Variants in MYO15A observed in about 807,000 individuals in gnomAD.
MYO15A encodes the protein unconventional myosin-XV.
MYO15A carries 308 observed loss-of-function variants against 394.6 expected under a neutral mutation model. The observed-to-expected ratio is 0.78, with a 90% CI of 0.71 to 0.86. The LOEUF is 0.86. Among genes scored for constraint, MYO15A ranks in the 40% least tolerant of loss-of-function variants. The probability of loss-of-function intolerance (pLI) is 0.00; values close to 1 mark genes in which losing one functional copy is unlikely to be tolerated. For missense variants in MYO15A, 4,606 were observed against 4,799.1 expected, an observed-to-expected ratio of 0.96 and a Z score of 1.19; for synonymous variants, 1,957 against 2,003.8, an observed-to-expected ratio of 0.98 and a Z score of 0.62.
chr17:18,148,790 C>A lies in MYO15A; in HGVS notation c.6794C>A (p.Thr2265Asn). 6.2e-7 allele frequency: 1 copy of A among 1,603,388 alleles called. No individual in the cohort carries two copies. The highest frequency in any genetic ancestry group is 8.5e-7 in the Non-Finnish European group (1 of 1,174,774). ...RGLADGWRGW[T>N]VAMKNGVQWA... ...CTGGCAGATGGCTGGCGCGGCTGGA[C>A]CGTGGCCATGAAGAATGGTGTCCAG... The change falls in exon 33 of 66, where the codon ACC becomes AAC. Residue 2265 changes from threonine (T) to asparagine (N), a missense_variant. Coordinates refer to ENST00000647165, the MANE Select transcript of MYO15A (RefSeq NM_016239.4). This position sits in a 1 kb window ranked among gnomAD's most constrained non-coding sequence, Gnocchi z 4.8.
intron 29 of MYO15A, among the ~76,000 whole-genome samples, chr17:18,145,622 G>C (rs903616315): frequency 4.6e-5 from 7 of 152,190 alleles, no homozygotes; most frequent in African/African-American, 1.7e-4. Flanking sequence ...GCTGAGGTGG[G>C]AGGATCACTT....
intron 51 of MYO15A, chr17:18,158,233 T>C (rs1214773937): frequency 3.4e-6 from 2 of 588,054 alleles, no homozygotes; most frequent in South Asian, 4.1e-5. Flanking sequence ...AGTGGGCGGC[T>C]TGTGGAGCTA....
chr17:18,116,650 G>A (rs773178244), intron 1 of MYO15A, among the ~76,000 whole-genome samples: 5 of 137,040 alleles, frequency 3.6e-5, no homozygotes, highest in East Asian at 2.2e-4. Context: ...GCTGGGCGCC[G>A]TGGCTCACAT....
Position 18,122,188 on chromosome 17 carries a change from G to A in MYO15A, c.3388G>A (p.Val1130Ile), listed in dbSNP as rs770547097. 2 of 1,613,172 alleles carry A rather than the reference G, an allele frequency of 1.2e-6. No individual in the cohort carries two copies. Among genetic ancestry groups the A allele is most frequent in the Admixed American group, 1.7e-5 (1 of 60,030 alleles). ...RVQKLSSFQR[V>I]GPATLKPQVQ... Reference sequence around the variant, plus strand: ...GCAGAAGCTGAGCTCTTTCCAGCGAGTTGGGCCTGCAACCCTGAAGCCTCA... The same window carrying A: ...GCAGAAGCTGAGCTCTTTCCAGCGAATTGGGCCTGCAACCCTGAAGCCTCA... The change falls in exon 2 of 66, where the codon GTT becomes ATT. Residue 1130 changes from valine (V) to isoleucine (I), a missense_variant. Physicochemically the swap from Val to Ile is conservative, Grantham distance 29. This residue lies in a region of MYO15A where 1,830 missense variants were observed against 1,689.7 expected (regional missense o/e 1.08). Transcript: ENST00000647165.
At chr17:18,131,434 CCTCA>C (rs1309301293) in intron 9 of MYO15A, 30 bp from the exon 10 acceptor site, 1 of 1,613,728 alleles carries the variant, frequency 6.2e-7, no homozygotes, top group Non-Finnish European at 8.5e-7. Context: ...GCCCTCCTAC[CCTCA>C]CTGAGAGCTG....
Position 18,127,140 on chromosome 17 carries a change from A to G in MYO15A, c.4007A>G (p.Asn1336Ser), listed in dbSNP as rs1351270402. The change falls in exon 7 of 66, where the codon AAC (asparagine) becomes AGC (serine). Residue 1336 changes from asparagine (N) to serine (S), a missense_variant. Asn to Ser is a conservative substitution (Grantham distance 46). Coordinates refer to ENST00000647165, the MANE Select transcript of MYO15A (RefSeq NM_016239.4). ...ATTCTGCGCTACCTGGCCGCCATGAACCAGAAACGGGAGGTCATGCAGCAG... is the reference window on the plus strand; with the variant it reads ...ATTCTGCGCTACCTGGCCGCCATGAGCCAGAAACGGGAGGTCATGCAGCAG... The part of the protein sequence containing the change: ...KLILRYLAAM[N>S]QKREVMQQIK... The G allele has an allele frequency of 5.0e-6, 8 of 1,613,374 alleles. No homozygotes were observed. The African/African-American group carries it at 6.7e-5, about 13-fold the overall frequency.
chr17:18,120,543 G>C lies in MYO15A; in HGVS notation c.1743G>C (p.Ser581=), dbSNP rs1454939553. ...CGCGGTTCCTCAAGAAGACGCTGTC[G>C]GAGAAGAAGCCCATCGCGCGGCTCA... ...SLARFLKKTL[S]EKKPIARLRG... is the part of the protein sequence containing the mutation. The change falls in exon 2 of 66, where the codon TCG becomes TCC. Residue 581 remains serine, a synonymous_variant. Transcript: ENST00000647165. The C allele has an allele frequency of 1.3e-6, 2 of 1,596,480 alleles. No individual in the cohort carries two copies. The highest frequency in any genetic ancestry group is 4.5e-5 in the East Asian group (2 of 44,324).
In MYO15A at chr17:18,163,239, C is replaced by T. The variant is rs760851387; in HGVS notation, c.9613-5C>T. 3 of 1,614,128 alleles carry T rather than the reference C, an allele frequency of 1.9e-6. No homozygotes were observed. Among genetic ancestry groups the T allele is most frequent in the Non-Finnish European group, 8.5e-7 (1 of 1,179,954 alleles). ...TGTCATCCCTCTCCCACCTATCTAC[C>T]CCAGGCAGGCCGCAGTTCCAAGAGG... On this transcript the variant is annotated splice_region_variant and splice_polypyrimidine_tract_variant and intron_variant, in intron 58 of 65. Coordinates refer to ENST00000647165, the MANE Select transcript of MYO15A (RefSeq NM_016239.4).
In MYO15A at chr17:18,150,832, C is replaced by G. The variant is rs914392395; in HGVS notation, c.7396-4C>G. On this transcript the variant is annotated splice_polypyrimidine_tract_variant and splice_region_variant and intron_variant, in intron 37 of 65. Transcript: ENST00000647165. The surrounding 1 kb of genome is among the most constrained non-coding windows in gnomAD (Gnocchi z 4.4). Reference sequence around the variant, plus strand: ...GCCTGGTCACCACTGCCACCTCTCCCCAGGCCCGGGAGATGACCCTGCAGG... The same window carrying G: ...GCCTGGTCACCACTGCCACCTCTCCGCAGGCCCGGGAGATGACCCTGCAGG... The G allele has an allele frequency of 8.8e-6, 14 of 1,592,288 alleles. No individual in the cohort carries two copies. Among genetic ancestry groups the G allele is most frequent in the Non-Finnish European group, 1.1e-5 (13 of 1,169,368 alleles).
chr17:18,157,059 C>T lies in MYO15A; in HGVS notation c.8707C>T (p.Arg2903Ter), dbSNP rs768257384. 4.3e-6 allele frequency: 7 copies of T among 1,614,044 alleles called. No individual in the cohort carries two copies. The highest frequency in any genetic ancestry group is 5.1e-6 in the Non-Finnish European group (6 of 1,180,004). ...ACACCTGCAGCCCCTAGAGCCACCT[C>T]GAGTGGGTCAGTGCCACTGGGGTGG... ...IIHLQPLEPP[R>*]VGYSAGCVVR... is the part of the protein sequence containing the mutation. Residue 2903 changes from arginine to a stop codon, truncating the protein, a stop_gained, in exon 49 of 66, where the codon CGA becomes TGA. Transcript: ENST00000647165. LOFTEE classifies it high-confidence loss of function.
Position 18,144,598 on chromosome 17 carries a change from G to T in MYO15A, c.6273+6G>T. ...CCGTGAGCATCTTCAAGCTGGTATGGGGTCTGCCCCAGCCCACCTTCTAAT... is the reference window on the plus strand; with the variant it reads ...CCGTGAGCATCTTCAAGCTGGTATGTGGTCTGCCCCAGCCCACCTTCTAAT... On this transcript the variant is annotated splice_donor_region_variant and intron_variant, in intron 29 of 65. Coordinates refer to ENST00000647165, the MANE Select transcript of MYO15A (RefSeq NM_016239.4). 2 of 1,610,950 alleles carry T rather than the reference G, an allele frequency of 1.2e-6. No homozygotes were observed. The highest frequency in any genetic ancestry group is 8.5e-7 in the Non-Finnish European group (1 of 1,179,892).
chr17:18,156,155 CCCT>C, intron 47 of MYO15A, 37 bp from the exon 48 acceptor site: 1 of 1,613,580 alleles, frequency 6.2e-7, no homozygotes, highest in Non-Finnish European at 8.5e-7. Context: ...AGGAGGGCAT[CCCT>C]CTGGCAGGGG....
chr17:18,145,971 G>T lies in MYO15A; in HGVS notation c.6373G>T (p.Asp2125Tyr). The change falls in exon 30 of 66, where the codon GAT becomes TAT. Residue 2125 changes from aspartate to tyrosine, a missense_variant. Physicochemically the swap from Asp to Tyr is radical, Grantham distance 160. Transcript: ENST00000647165. ...GGGGCTGGCGGTGCCTGAGCTGCGG[G>T]ATGAGATCCTGGCACAGCTGGCCAA... ...QKGLAVPELR[D>Y]EILAQLANQV... The T allele has an allele frequency of 6.2e-7, 1 of 1,613,786 alleles. No homozygotes were observed.
intron 46 of MYO15A, 44 bp downstream of exon 46, chr17:18,155,269 G>T: frequency 1.2e-6 from 2 of 1,613,632 alleles, no homozygotes; most frequent in Non-Finnish European, 8.5e-7. Flanking sequence ...GAGGATTCAG[G>T]GATGAGACAA....
chr17:18,173,742 G>A lies in MYO15A; in HGVS notation c.10351-39G>A, dbSNP rs540291026. On this transcript the variant is annotated intron_variant, in intron 64 of 65. Coordinates refer to ENST00000647165, the MANE Select transcript of MYO15A (RefSeq NM_016239.4). The stretch of plus-strand genomic sequence containing the variant: ...GGTAAGAGTGGTTGAGACTATCCTC[G>A]CCCACAGGCCTGTCCGGCCCCTCTC... 38 of 1,613,340 alleles carry A rather than the reference G, an allele frequency of 2.4e-5. No individual in the cohort carries two copies. The South Asian group carries it at 2.4e-4, about 10-fold the overall frequency.
intron 2 of MYO15A, 81 bp downstream of exon 2, chr17:18,122,490 G>A: frequency 6.5e-7 from 1 of 1,529,904 alleles, no homozygotes; most frequent in Non-Finnish European, 8.7e-7. Context: ...GAGGAGCCCT[G>A]TGCAACCTTG....
At chr17:18,167,751 G>T in intron 62 of MYO15A, 28 bp downstream of exon 62, 1 of 1,600,768 alleles carries the variant, frequency 6.2e-7, no homozygotes. Context: ...TGCCTCAGCT[G>T]GGGTGGACAG....
In MYO15A at chr17:18,150,719, C is replaced by T; in HGVS notation, c.7349C>T (p.Thr2450Ile). The change falls in exon 37 of 66, where the codon ACA becomes ATA. Residue 2450 changes from threonine to isoleucine, a missense_variant. Thr to Ile is a moderately conservative substitution (Grantham distance 89). This residue lies in a region of MYO15A where 2,776 missense variants were observed against 3,109.3 expected (regional missense o/e 0.89). Transcript: ENST00000647165. The surrounding 1 kb of genome is among the most constrained non-coding windows in gnomAD (Gnocchi z 4.4). ...PKPIPGLDASTLALQQAFIHK... is the reference protein window; with the variant it reads ...PKPIPGLDASILALQQAFIHK... ...TCAGTCCCAGGCCTGGATGCCTCCA[C>T]ATTGGCTCTGCAGCAAGCCTTCATC... is the stretch of plus-strand genomic sequence containing the variant. 1 of 1,589,848 alleles carries T rather than the reference C, an allele frequency of 6.3e-7. No individual in the cohort carries two copies. Among genetic ancestry groups the T allele is most frequent in the Non-Finnish European group, 8.6e-7 (1 of 1,166,832 alleles).
Position 18,159,608 on chromosome 17 carries a change from G to A in MYO15A, c.9232G>A (p.Val3078Ile). The change falls in exon 55 of 66, where the codon GTA (valine) becomes ATA (isoleucine). Residue 3078 changes from valine (V) to isoleucine (I), a missense_variant and splice_region_variant. By Grantham distance (29) the Val-to-Ile change is conservative. Transcript: ENST00000647165. The stretch of plus-strand genomic sequence containing the variant: ...AGTGGGATAGGTCTTTCCTACAGCT[G>A]TAATGAGGTTCATGGGGGATGCCCC... ...SKMATDMFLA[V>I]MRFMGDAPLK... is the part of the protein sequence containing the mutation. 6.2e-7 allele frequency: 1 copy of A among 1,614,072 alleles called. No homozygotes were observed. The highest frequency in any genetic ancestry group is 8.5e-7 in the Non-Finnish European group (1 of 1,180,002).
Sources: allele counts gnomAD v4.1 joint callset (sites outside exome capture counted in the v4.1 genomes callset), GRCh38; gene constraint gnomAD v4.1.1; regional missense constraint gnomAD v4.1.1; non-coding constraint Gnocchi (gnomAD v3.1); transcripts MANE v1.5; gene names NCBI Gene and HGNC (gene_info 2026-07-23, HGNC 2026-07-21).